Variants in LRP1B observed in about 807,000 individuals in gnomAD.
LRP1B encodes the protein LDL receptor related protein 1B, also known as low-density lipoprotein receptor-related protein 1B.
A neutral mutation model predicts 556.6 loss-of-function variants in LRP1B; 217 were observed. The observed-to-expected ratio is 0.39, with a 90% CI of 0.35 to 0.44. The LOEUF is 0.44. Among genes scored for constraint, LRP1B ranks in the 20% least tolerant of loss-of-function variants. The pLI is 1.00. For synonymous variants in LRP1B, 2,047 were observed against 1,865.8 expected, an observed-to-expected ratio of 1.10 and a Z score of -2.50; for missense variants, 5,053 against 5,620.8, an observed-to-expected ratio of 0.90 and a Z score of 3.23.
intron 41 of LRP1B, among the ~76,000 whole-genome samples, chr2:140,655,032 G>GTATATATATATA (rs145869246): frequency 5.4e-4 from 79 of 147,154 alleles, no homozygotes; most frequent in African/African-American, 1.8e-3. Flanking sequence ...GTATATGTAT[G>GTATATATATATA]TATATATATA....
intron 7 of LRP1B, among the ~76,000 whole-genome samples, chr2:141,087,243 G>C (rs3845638): frequency 0.78 from 118,718 of 151,696 alleles, 46,608 homozygotes; most frequent in East Asian, 0.87. Context: ...CATTCCTTCT[G>C]ATTTGTGGTC....
In LRP1B at chr2:141,930,700, G is replaced by C. The variant is rs532471818; in HGVS notation, c.83-120299C>G. Among the ~76,000 whole-genome samples the C allele has an allele frequency of 2.6e-5, 4 of 152,058 alleles. No homozygotes were observed. In the South Asian group the frequency reaches 8.3e-4, roughly 32 times the overall value. ...ACCAATTTGGCTACACTTTAGGAAA[G>C]GTATTTGATTCTTCTTATCTGATGA... On this transcript the variant is annotated intron_variant, in intron 1 of 90. Coordinates refer to ENST00000389484, the MANE Select transcript of LRP1B (RefSeq NM_018557.3).
chr2:141,730,063 G>A (rs1693213902), intron 2 of LRP1B, among the ~76,000 whole-genome samples: 1 of 152,154 alleles, frequency 6.6e-6, no homozygotes, highest in Admixed American at 6.5e-5. Flanking sequence ...TCACGGAACT[G>A]TGGGCGAGCA....
At chr2:140,888,109 C>T (rs1009279384) in intron 23 of LRP1B, among the ~76,000 whole-genome samples, 3 of 152,004 alleles carry the variant, frequency 2.0e-5, no homozygotes, top group African/African-American at 7.2e-5. Context: ...CAAATACTAC[C>T]TTTAGCTCAC....
intron 1 of LRP1B, among the ~76,000 whole-genome samples, chr2:141,961,141 C>A (rs568701366): frequency 1.3e-5 from 2 of 151,308 alleles, no homozygotes; most frequent in African/African-American, 4.8e-5. Flanking sequence ...ATGAGCCAAC[C>A]GAGAGGTAAT....
At chr2:140,671,653 TTCTC>T (rs562219466) in intron 41 of LRP1B, among the ~76,000 whole-genome samples, 27 of 151,328 alleles carry the variant, frequency 1.8e-4, no homozygotes, top group African/African-American at 6.3e-4. Context: ...TAACATTTTT[TTCTC>T]TCTATCTCTA....
At chr2:140,327,893 C>CAA (rs1680575377) in intron 79 of LRP1B, among the ~76,000 whole-genome samples, 1 of 151,844 alleles carries the variant, frequency 6.6e-6, no homozygotes, top group Admixed American at 6.6e-5. Flanking sequence ...AATTATATAA[C>CAA]AAAGTTTATG....
chr2:141,116,064 TG>T (rs1352623135), intron 7 of LRP1B, among the ~76,000 whole-genome samples: 1 of 152,156 alleles, frequency 6.6e-6, no homozygotes, highest in African/African-American at 2.4e-5. Flanking sequence ...TTTTTTCCTG[TG>T]AAACTTATTT....
chr2:141,940,000 G>A (rs1358815267), intron 1 of LRP1B, among the ~76,000 whole-genome samples: 4 of 57,972 alleles, frequency 6.9e-5, no homozygotes, highest in Non-Finnish European at 1.5e-4. Flanking sequence ...AAAAGTAAGT[G>A]ATAAACATTA....
chr2:141,474,098 C>T (rs145683000), intron 3 of LRP1B, among the ~76,000 whole-genome samples: 175 of 143,682 alleles, frequency 1.2e-3, no homozygotes, highest in African/African-American at 4.3e-3. Context: ...TCCTTTCCTC[C>T]GTCCCTTCCT....
At chr2:140,917,560 C>A (rs1001702101) in intron 21 of LRP1B, among the ~76,000 whole-genome samples, 4 of 151,990 alleles carry the variant, frequency 2.6e-5, no homozygotes, top group Admixed American at 2.6e-4. Context: ...AACTCAAATG[C>A]ATATTACAAG....
chr2:141,562,302 A>G lies in LRP1B; in HGVS notation c.206-81769T>C, dbSNP rs139161682. The stretch of plus-strand genomic sequence containing the variant: ...GGAAACCTAAGATAACATTTCAGTC[A>G]TTTGGATAAAGCTTTTTGGAATGGA... On this transcript the variant is annotated intron_variant, in intron 2 of 90. Coordinates refer to ENST00000389484, the MANE Select transcript of LRP1B (RefSeq NM_018557.3). Among the ~76,000 whole-genome samples, 767 of 152,038 alleles carry G rather than the reference A, an allele frequency of 5.0e-3. 9 individuals carry two copies. The highest frequency in any genetic ancestry group is 0.018 in the African/African-American group (739 of 41,542).
intron 2 of LRP1B, among the ~76,000 whole-genome samples, chr2:141,598,711 G>T (rs1487434595): frequency 4.6e-5 from 7 of 152,020 alleles, no homozygotes; most frequent in African/African-American, 1.7e-4. Context: ...TACTACCGAG[G>T]TCTGATACAT....
At chr2:141,156,459 T>G (rs1006910901) in intron 7 of LRP1B, among the ~76,000 whole-genome samples, 1 of 151,864 alleles carries the variant, frequency 6.6e-6, no homozygotes, top group Non-Finnish European at 1.5e-5. Context: ...AAAACCCATC[T>G]CTACAAAAAA....
chr2:141,630,522 T>C (rs1574164160), intron 2 of LRP1B, among the ~76,000 whole-genome samples: 1 of 152,200 alleles, frequency 6.6e-6, no homozygotes, highest in South Asian at 2.1e-4. Context: ...TAGCAAAGAT[T>C]TCCCCCTTCC....
chr2:140,339,735 A>G (rs1280580508), intron 77 of LRP1B, among the ~76,000 whole-genome samples: 2 of 151,730 alleles, frequency 1.3e-5, no homozygotes, highest in Non-Finnish European at 3.0e-5. Context: ...TAATGTTATT[A>G]AAATATCCAA....
chr2:140,660,008 A>G (rs1019028951), intron 41 of LRP1B, among the ~76,000 whole-genome samples: 1 of 152,072 alleles, frequency 6.6e-6, no homozygotes, highest in African/African-American at 2.4e-5. Context: ...TGTATATTCT[A>G]TCACCAGCCA....
rs79669781 is a variant in LRP1B, at chr2:140,938,066, G to C, written c.3136+12169C>G. Among the ~76,000 whole-genome samples the C allele has an allele frequency of 8.1e-3, 1,235 of 151,902 alleles. 12 individuals carry two copies. Among genetic ancestry groups the C allele is most frequent in the Middle Eastern group, 0.027 (8 of 294 alleles). ...ACATCTCTAACACAGGATGCAATCAGCTCCTTCCAGGAAGCAGCATAAATG... is the reference window on the plus strand; with the variant it reads ...ACATCTCTAACACAGGATGCAATCACCTCCTTCCAGGAAGCAGCATAAATG... On this transcript the variant is annotated intron_variant, in intron 20 of 90. Coordinates refer to ENST00000389484, the MANE Select transcript of LRP1B (RefSeq NM_018557.3).
intron 2 of LRP1B, among the ~76,000 whole-genome samples, chr2:141,652,159 C>T (rs1689817564): frequency 6.6e-6 from 1 of 152,170 alleles, no homozygotes; most frequent in Non-Finnish European, 1.5e-5. Context: ...ATTATAGTGA[C>T]ATTATAAAGC....
Sources: gnomAD v4.1 joint callset for allele counts (sites outside exome capture counted in the v4.1 genomes callset) on GRCh38, gnomAD v4.1.1 for gene constraint, MANE v1.5 for transcripts, NCBI Gene and HGNC (gene_info 2026-07-23, HGNC 2026-07-21) for gene names.